TBX15: variants seen among roughly 807,000 people sequenced by gnomAD.
TBX15 encodes T-box transcription factor TBX15.
In TBX15, 18 loss-of-function variants were observed where a neutral mutation model predicts 53.9. That is an observed-to-expected ratio of 0.33 (90% CI 0.23 to 0.49). The LOEUF (loss-of-function observed/expected upper bound fraction) is 0.49, where lower values mean the gene tolerates loss of function less well. TBX15 is among the 20% of genes least tolerant of loss of function. The probability of loss-of-function intolerance (pLI) is 0.98; values close to 1 mark genes in which losing one functional copy is unlikely to be tolerated. For missense variants in TBX15, 692 were observed against 749.5 expected (o/e 0.92, Z 0.90); for synonymous variants, 295 against 278.0 (o/e 1.06, Z -0.61).
Position 118,884,504 on chromosome 1 carries a change from G to A in TBX15, c.*228C>T. The A allele has an allele frequency of 1.7e-6, 1 of 589,556 alleles. No homozygotes were observed. Among genetic ancestry groups the A allele is most frequent in the Non-Finnish European group, 3.0e-6 (1 of 338,366 alleles). 36.5% of individuals were successfully genotyped at this position (589,556 alleles called of 1,614,324 possible). A position where few individuals can be genotyped will look rare whatever the true frequency, so the allele number is the denominator to read the frequency against. On this transcript the variant is annotated 3_prime_UTR_variant, in exon 8 of 8. Coordinates refer to ENST00000369429, the MANE Select transcript of TBX15 (RefSeq NM_001330677.2). ...CAATGCTTTATAAAACTAAGGTCTG[G>A]GAAGGCAGAAGAATGGCCACTGAGT...
intron 1 of TBX15, among the ~76,000 whole-genome samples, chr1:118,961,998 A>G (rs1656893455): frequency 6.6e-6 from 1 of 152,218 alleles, no homozygotes; most frequent in Admixed American, 6.5e-5. Flanking sequence ...AGTTACAGTC[A>G]ACTTCTACTT....
chr1:118,914,291 A>G (rs530983126), intron 5 of TBX15, 112 bp from the exon 6 acceptor site: 1 of 1,035,908 alleles, frequency 9.7e-7, no homozygotes, highest in East Asian at 2.6e-5. Flanking sequence ...GCTTTTATTT[A>G]ATTTCCTTTC....
At chr1:118,901,301 G>A (rs1159291388) in intron 6 of TBX15, 7 of 455,402 alleles carry the variant, frequency 1.5e-5, no homozygotes, top group South Asian at 7.8e-5. Context: ...GCAAGAGCAA[G>A]AGAGAAAGGC....
At chr1:118,942,206 G>A (rs1356366074) in intron 1 of TBX15, among the ~76,000 whole-genome samples, 2 of 152,174 alleles carry the variant, frequency 1.3e-5, no homozygotes, top group Non-Finnish European at 2.9e-5. Flanking sequence ...TCTAGGAAAA[G>A]GGAATTTTCT....
chr1:118,985,566 C>A (rs1657803412), intron 1 of TBX15, among the ~76,000 whole-genome samples: 1 of 152,208 alleles, frequency 6.6e-6, no homozygotes, highest in Non-Finnish European at 1.5e-5. Flanking sequence ...AAGGATTCCC[C>A]CGGCCCACTA....
chr1:118,931,560 A>G, intron 2 of TBX15, 59 bp downstream of exon 2: 1 of 1,568,310 alleles, frequency 6.4e-7, no homozygotes, highest in Non-Finnish European at 8.8e-7. Flanking sequence ...GGAAGAATGT[A>G]ATGGCTCCTA....
At chr1:118,915,174 A>C (rs778783896) in intron 5 of TBX15, among the ~76,000 whole-genome samples, 12 of 152,222 alleles carry the variant, frequency 7.9e-5, no homozygotes, top group Non-Finnish European at 1.8e-4. Context: ...ACTTAGGCAT[A>C]GGTGCTAGGG....
intron 6 of TBX15, 54 bp from the exon 7 acceptor site, chr1:118,899,179 T>C (rs2101501402): frequency 2.0e-6 from 3 of 1,523,450 alleles, no homozygotes; most frequent in South Asian, 2.3e-5. Flanking sequence ...AGAAATGCAT[T>C]GACTTTTCAG....
chr1:118,969,321 C>T (rs907575026), intron 1 of TBX15, among the ~76,000 whole-genome samples: 2 of 152,208 alleles, frequency 1.3e-5, no homozygotes, highest in Non-Finnish European at 2.9e-5. Context: ...TGGGGTTATT[C>T]TCTGGAGTTG....
At chr1:118,938,209 G>A (rs1656028064) in intron 1 of TBX15, among the ~76,000 whole-genome samples, 1 of 152,292 alleles carries the variant, frequency 6.6e-6, no homozygotes, top group Middle Eastern at 3.4e-3. Context: ...ACTCAAATGA[G>A]CCTGTTAAAT....
chr1:118,984,689 G>A lies in TBX15; in HGVS notation c.205+2902C>T, dbSNP rs576237022. 4.5e-4 allele frequency among the ~76,000 whole-genome samples: 69 copies of A among 152,352 alleles called. No individual in the cohort carries two copies. The South Asian group carries it at 0.013, about 30-fold the overall frequency. The stretch of plus-strand genomic sequence containing the variant: ...TCTCCAAAAGACTGAGAGTGCCGGC[G>A]TAGGTATGACAGTGAGGGTACCTCA... On this transcript the variant is annotated intron_variant, in intron 1 of 7. Coordinates refer to ENST00000369429, the MANE Select transcript of TBX15 (RefSeq NM_001330677.2).
intron 6 of TBX15, among the ~76,000 whole-genome samples, chr1:118,903,790 C>T (rs372592284): frequency 1.2e-4 from 18 of 152,154 alleles, no homozygotes; most frequent in East Asian, 7.7e-4. Flanking sequence ...CCCTTTATGA[C>T]TGTCTTGTTT....
intron 5 of TBX15, among the ~76,000 whole-genome samples, chr1:118,916,789 C>T (rs2101571823): frequency 6.6e-6 from 1 of 152,086 alleles, no homozygotes; most frequent in South Asian, 2.1e-4. Flanking sequence ...TTGCTTGAAC[C>T]CAGGAAGTGG....
At chr1:118,983,281 G>A (rs1297499070) in intron 1 of TBX15, among the ~76,000 whole-genome samples, 1 of 152,146 alleles carries the variant, frequency 6.6e-6, no homozygotes, top group African/African-American at 2.4e-5. Flanking sequence ...ACTTCCCATT[G>A]CCCTAGTGCA....
chr1:118,922,798 T>C (rs1372717901), intron 5 of TBX15, among the ~76,000 whole-genome samples: 1 of 152,210 alleles, frequency 6.6e-6, no homozygotes, highest in African/African-American at 2.4e-5. Flanking sequence ...TAGTTTCAAC[T>C]TGGGTTACAA....
chr1:118,922,802 G>A (rs143949996), intron 5 of TBX15, among the ~76,000 whole-genome samples: 286 of 152,254 alleles, frequency 1.9e-3, no homozygotes, highest in African/African-American at 6.3e-3. Context: ...TTCAACTTGG[G>A]TTACAATAAT....
At chr1:118,920,607 A>C (rs555683491) in intron 5 of TBX15, among the ~76,000 whole-genome samples, 1 of 152,268 alleles carries the variant, frequency 6.6e-6, no homozygotes, top group Admixed American at 6.5e-5. Context: ...CTAGGCACTG[A>C]GGAGTCATTG....
intron 1 of TBX15, among the ~76,000 whole-genome samples, chr1:118,981,209 A>C (rs937870933): frequency 6.6e-6 from 1 of 152,154 alleles, no homozygotes; most frequent in Non-Finnish European, 1.5e-5. Context: ...GGAAGTTTCA[A>C]AACTGGGATG....
intron 5 of TBX15, among the ~76,000 whole-genome samples, chr1:118,914,804 A>G (rs1485191831): frequency 2.0e-5 from 3 of 152,340 alleles, no homozygotes; most frequent in Non-Finnish European, 2.9e-5. Flanking sequence ...AGGAAAATCT[A>G]CAATGTGAGA....
Sources: gnomAD v4.1 joint callset for allele counts (sites outside exome capture counted in the v4.1 genomes callset) on GRCh38, gnomAD v4.1.1 for gene constraint, MANE v1.5 for transcripts, NCBI Gene and HGNC (gene_info 2026-07-23, HGNC 2026-07-21) for gene names.